Variants in LMF1 observed in about 807,000 individuals in gnomAD.
LMF1 encodes the protein lipase maturation factor 1, also known as transmembrane protein 112.
LMF1 carries 68 observed loss-of-function variants against 60.6 expected under a neutral mutation model. That is an observed-to-expected ratio of 1.12 (90% confidence interval 0.92 to 1.37). LMF1 has a LOEUF of 1.37. Among genes scored for constraint, LMF1 ranks in the 40% most tolerant of loss-of-function variants. The probability of loss-of-function intolerance (pLI) is 0.00; values close to 1 mark genes in which losing one functional copy is unlikely to be tolerated. For synonymous variants in LMF1, 418 were observed against 324.7 expected (o/e 1.29, Z -3.09); for missense variants, 948 against 767.2 (o/e 1.24, Z -2.78).
At chr16:873,110 G>T (rs530961920) in intron 6 of LMF1, 1 of 152,322 alleles carries the variant, frequency 6.6e-6, no homozygotes, top group African/African-American at 2.4e-5. Flanking sequence ...GGCATCCCCA[G>T]CTGCGCCCCG....
intron 1 of LMF1, chr16:980,564 G>A (rs2073320980): frequency 6.6e-6 from 1 of 152,254 alleles, no homozygotes; most frequent in Non-Finnish European, 1.5e-5. Context: ...CGGGTTTCGC[G>A]GGCCGCAAGC....
At position 907,281 on chromosome 16, in the gene LMF1, G is replaced by C. The variant is rs150823346; in HGVS notation, c.663+3650C>G. Among the ~76,000 whole-genome samples the C allele has an allele frequency of 8.0e-4, 122 of 152,078 alleles. 1 individual carries two copies. The Middle Eastern group carries it at 0.017, about 21-fold the overall frequency. ...CCAGGCGTGATGGCAGGTTCCTGTA[G>C]TCCCAGCTACTCGGGAGGCTGAGGC... On this transcript the variant is annotated intron_variant, in intron 4 of 10. Transcript: ENST00000262301.
rs147873786 is a variant in LMF1 at position 897,140 on chromosome 16, G to T, written c.664-4068C>A. Among the ~76,000 whole-genome samples, 1 of 152,302 alleles carries T rather than the reference G, an allele frequency of 6.6e-6. No individual in the cohort carries two copies. Among genetic ancestry groups the T allele is most frequent in the East Asian group, 1.9e-4 (1 of 5,180 alleles). Reference sequence around the variant, plus strand: ...ATCGACGATGTTCCCGCCTTGCAACGTGTGGCTGCAGCAGCTCTTCTCCTG... The same window carrying T: ...ATCGACGATGTTCCCGCCTTGCAACTTGTGGCTGCAGCAGCTCTTCTCCTG... On this transcript the variant is annotated intron_variant, in intron 4 of 10. Transcript: ENST00000262301. The surrounding 1 kb of genome is among the most constrained non-coding windows in gnomAD (Gnocchi z 4.3).
chr16:898,909 G>A (rs890662010), intron 4 of LMF1: 6 of 152,234 alleles, frequency 3.9e-5, no homozygotes, highest in African/African-American at 1.4e-4. Context: ...CCTTCGGCGT[G>A]AACCCAGAAA....
At position 871,469 on chromosome 16, in the gene LMF1, G is replaced by A. The variant is rs1463028035; in HGVS notation, c.898-128C>T. The A allele has an allele frequency of 6.8e-5, 65 of 958,896 alleles. No individual in the cohort carries two copies. In the East Asian group the frequency reaches 1.2e-3, roughly 18 times the overall value. The allele number at this position is 958,896 out of a possible 1,614,324, so 59.4% of individuals were successfully genotyped here. A position where few individuals can be genotyped will look rare whatever the true frequency, so the allele number is the denominator to read the frequency against. The stretch of plus-strand genomic sequence containing the variant: ...CCCAGCTCTGCCCTTGCTGTCCCTC[G>A]GGCCCAGCATCACAACTGAAACCCA... On this transcript the variant is annotated intron_variant, in intron 6 of 10. Transcript: ENST00000262301.
At position 870,724 on chromosome 16, in the gene LMF1, C is replaced by T. The variant is rs556825475; in HGVS notation, c.1232+5G>A. ...CTCCGGGGGACGGGGACCCCAGGCT[C>T]ATACCTTCCGAAGGCCCCGTAAGTG... On this transcript the variant is annotated splice_donor_5th_base_variant and intron_variant, in intron 8 of 10. Transcript: ENST00000262301. The T allele has an allele frequency of 4.3e-6, 7 of 1,612,582 alleles. No individual in the cohort carries two copies. The highest frequency in any genetic ancestry group is 1.7e-4 in the Middle Eastern group (1 of 6,060).
At chr16:887,285 CA>C (rs1169522135) in intron 5 of LMF1, among the ~76,000 whole-genome samples, 1 of 152,226 alleles carries the variant, frequency 6.6e-6, no homozygotes, top group Non-Finnish European at 1.5e-5. Context: ...GGAGCAGCCC[CA>C]GCCGCTGTGC....
intron 5 of LMF1, among the ~76,000 whole-genome samples, chr16:890,750 C>T (rs2070459035): frequency 6.6e-6 from 1 of 152,228 alleles, no homozygotes; most frequent in Non-Finnish European, 1.5e-5. Flanking sequence ...TCCACTCTGA[C>T]TTCATCTTAA....
At chr16:917,096 A>T (rs374892730) in intron 3 of LMF1, among the ~76,000 whole-genome samples, 4 of 152,216 alleles carry the variant, frequency 2.6e-5, no homozygotes, top group South Asian at 4.1e-4. Flanking sequence ...AGTCACGTGT[A>T]TGGGGCCATC....
intron 4 of LMF1, among the ~76,000 whole-genome samples, chr16:894,074 G>C (rs74915380): frequency 2.5e-5 from 1 of 39,980 alleles, no homozygotes; most frequent in Admixed American, 2.6e-4. Context: ...CCGCCCACCC[G>C]TCCCCCTGTC....
chr16:962,432 G>A lies in LMF1; in HGVS notation c.194-7766C>T, dbSNP rs917971503. ...CTGGACCCAGTGAGCGGCTTCCAGA[G>A]GACAGAGCGGGCGGGAAAGCAGGGA... On this transcript the variant is annotated intron_variant, in intron 1 of 10. Coordinates refer to ENST00000262301, the MANE Select transcript of LMF1 (RefSeq NM_022773.4). The surrounding 1 kb of genome is among the most constrained non-coding windows in gnomAD (Gnocchi z 4.5). 2.2e-4 allele frequency among the ~76,000 whole-genome samples: 33 copies of A among 151,452 alleles called. No individual in the cohort carries two copies. The highest frequency in any genetic ancestry group is 7.8e-4 in the African/African-American group (32 of 41,118).
At chr16:905,251 C>G (rs1315918285) in intron 4 of LMF1, 3 of 164,122 alleles carry the variant, frequency 1.8e-5, no homozygotes, top group African/African-American at 7.5e-5. Context: ...CCTGTCTCTG[C>G]TGCATGGTGG....
At chr16:930,852 G>A (rs913473679) in intron 3 of LMF1, among the ~76,000 whole-genome samples, 2 of 152,218 alleles carry the variant, frequency 1.3e-5, no homozygotes, top group African/African-American at 2.4e-5. Context: ...CGGGCGCAAT[G>A]GCTCATGCCT....
intron 4 of LMF1, among the ~76,000 whole-genome samples, chr16:906,781 T>A (rs2070983092): frequency 6.6e-6 from 1 of 152,240 alleles, no homozygotes; most frequent in Non-Finnish European, 1.5e-5. Flanking sequence ...GTTTTGGCTA[T>A]GTAGGTCCTT....
chr16:958,404 CA>C (rs1334804632), intron 1 of LMF1, among the ~76,000 whole-genome samples: 2 of 151,928 alleles, frequency 1.3e-5, no homozygotes, highest in African/African-American at 4.8e-5. Flanking sequence ...AATTAGAAAA[CA>C]AACAACCCAA....
At chr16:969,481 A>T (rs1835352077) in intron 1 of LMF1, among the ~76,000 whole-genome samples, 1 of 152,144 alleles carries the variant, frequency 6.6e-6, no homozygotes, top group Non-Finnish European at 1.5e-5. Flanking sequence ...TGTCACACAA[A>T]ACGTCGAACT....
intron 10 of LMF1, among the ~76,000 whole-genome samples, chr16:864,983 T>C (rs183691901): frequency 6.6e-6 from 1 of 152,350 alleles, no homozygotes; most frequent in Non-Finnish European, 1.5e-5. Flanking sequence ...TCGGTCATTT[T>C]ACTTCTTCCC....
intron 3 of LMF1, among the ~76,000 whole-genome samples, chr16:929,814 G>A (rs2071718123): frequency 6.6e-6 from 1 of 152,264 alleles, no homozygotes; most frequent in African/African-American, 2.4e-5. Flanking sequence ...CCTGACGAAC[G>A]CAGCTTCATC....
intron 10 of LMF1, among the ~76,000 whole-genome samples, chr16:859,246 GC>G (rs67965864): frequency 4.4e-3 from 367 of 83,896 alleles, no homozygotes; most frequent in Middle Eastern, 0.015. Context: ...GGACGGGTGT[GC>G]AGTGGTGTCA....
Sources: gnomAD v4.1 joint callset for allele counts (sites outside exome capture counted in the v4.1 genomes callset) on GRCh38, gnomAD v4.1.1 for gene constraint, Gnocchi (gnomAD v3.1) non-coding constraint, MANE v1.5 for transcripts, NCBI Gene and HGNC (gene_info 2026-07-23, HGNC 2026-07-21) for gene names.